CFAP61: variants seen among roughly 807,000 people sequenced by gnomAD.
CFAP61 encodes cilia- and flagella-associated protein 61.
CFAP61 carries 107 observed loss-of-function variants against 135.6 expected under a neutral mutation model. The observed-to-expected ratio is 0.79, with a 90% confidence interval of 0.67 to 0.93. CFAP61 has a LOEUF of 0.93. Ranked by LOEUF, CFAP61 falls within the 40% of genes least tolerant of loss-of-function variation. The pLI is 0.00. For synonymous variants in CFAP61, 575 were observed against 578.5 expected, an observed-to-expected ratio of 0.99 and a Z score of 0.09; for missense variants, 1,507 against 1,556.2, an observed-to-expected ratio of 0.97 and a Z score of 0.53.
chr20:20,191,241 C>T, intron 14 of CFAP61, 101 bp from the exon 15 acceptor site: 1 of 879,008 alleles, frequency 1.1e-6, no homozygotes, highest in East Asian at 2.6e-5. Flanking sequence ...GATGTTTGTT[C>T]TGTTGTTATG....
intron 18 of CFAP61, among the ~76,000 whole-genome samples, chr20:20,234,729 G>A (rs909323034): frequency 6.6e-6 from 1 of 152,130 alleles, no homozygotes; most frequent in African/African-American, 2.4e-5. Context: ...TCTGAAACCT[G>A]GGGGTAGGGC....
rs1461177814 is a variant in CFAP61 at position 20,359,461 on chromosome 20, T to TC, written c.3514-748dup. ...GGGCAGATCACCTGAGGTCGGGAGT[T>TC]CAAGACCAGCCTGACCAACATGGAG... On this transcript the variant is annotated intron_variant, in intron 26 of 26. Coordinates refer to ENST00000245957, the MANE Select transcript of CFAP61 (RefSeq NM_015585.4). This position sits in a 1 kb window ranked among gnomAD's most constrained non-coding sequence, Gnocchi z 4.0. 2.0e-5 allele frequency among the ~76,000 whole-genome samples: 3 copies of TC among 151,986 alleles called. No homozygotes were observed. Among genetic ancestry groups the TC allele is most frequent in the African/African-American group, 7.3e-5 (3 of 41,364 alleles).
intron 8 of CFAP61, among the ~76,000 whole-genome samples, chr20:20,121,811 A>G (rs2049659665): frequency 6.6e-6 from 1 of 152,100 alleles, no homozygotes; most frequent in African/African-American, 2.4e-5. Flanking sequence ...ACAGGCTTTC[A>G]ACTGCCATTT....
At chr20:20,313,446 C>T (rs1026775443) in intron 25 of CFAP61, among the ~76,000 whole-genome samples, 6 of 152,302 alleles carry the variant, frequency 3.9e-5, no homozygotes, top group East Asian at 3.9e-4. Flanking sequence ...CAGTAGGCTG[C>T]GGTGTAGGCA....
At chr20:20,241,677 G>T (rs2050021714) in intron 18 of CFAP61, among the ~76,000 whole-genome samples, 1 of 152,264 alleles carries the variant, frequency 6.6e-6, no homozygotes, top group Non-Finnish European at 1.5e-5. Context: ...CTTACATAGA[G>T]ATGTAAAAAA....
intron 26 of CFAP61, among the ~76,000 whole-genome samples, chr20:20,358,842 G>C (rs2059370833): frequency 6.6e-6 from 1 of 152,154 alleles, no homozygotes; most frequent in Non-Finnish European, 1.5e-5. Flanking sequence ...ACCCTGCAAG[G>C]AATTGCCTTT....
intron 26 of CFAP61, among the ~76,000 whole-genome samples, chr20:20,342,868 G>GT (rs11481658): frequency 0.16 from 23,515 of 147,862 alleles, 1,844 homozygotes; most frequent in African/African-American, 0.2. Context: ...TTCTGTTTTT[G>GT]TTTTTTTTTT....
intron 13 of CFAP61, among the ~76,000 whole-genome samples, chr20:20,174,474 T>C (rs1410601495): frequency 6.6e-6 from 1 of 152,246 alleles, no homozygotes; most frequent in Non-Finnish European, 1.5e-5. Flanking sequence ...ATAGATCTCC[T>C]CTTTAATTCT....
At chr20:20,055,374 T>C (rs1438788779) in intron 1 of CFAP61, among the ~76,000 whole-genome samples, 1 of 152,204 alleles carries the variant, frequency 6.6e-6, no homozygotes, top group African/African-American at 2.4e-5. Flanking sequence ...TAGAGCTTTG[T>C]GTAGAGAAAG....
At chr20:20,208,941 G>T (rs182071768) in intron 17 of CFAP61, among the ~76,000 whole-genome samples, 2 of 152,026 alleles carry the variant, frequency 1.3e-5, no homozygotes, top group Admixed American at 6.5e-5. Flanking sequence ...TCTTTGGGGT[G>T]GGGGGGCATG....
chr20:20,318,220 A>G (rs550998327), intron 25 of CFAP61, among the ~76,000 whole-genome samples: 2 of 152,242 alleles, frequency 1.3e-5, no homozygotes, highest in East Asian at 3.9e-4. Flanking sequence ...TCTTTTTCCA[A>G]TTATGTGTTG....
chr20:20,152,282 G>A (rs991585185), intron 9 of CFAP61, among the ~76,000 whole-genome samples: 1 of 151,806 alleles, frequency 6.6e-6, no homozygotes, highest in Non-Finnish European at 1.5e-5. Flanking sequence ...AAATCTCACA[G>A]GGCCTATAAA....
At chr20:20,069,652 C>A in intron 2 of CFAP61, 1 of 436,938 alleles carries the variant, frequency 2.3e-6, no homozygotes, top group Non-Finnish European at 4.6e-6. Context: ...TCTGGAGAGA[C>A]AGAAACCAAA....
chr20:20,054,878 A>C (rs538119032), intron 1 of CFAP61, among the ~76,000 whole-genome samples: 1 of 152,312 alleles, frequency 6.6e-6, no homozygotes, highest in South Asian at 2.1e-4. Flanking sequence ...TCTGAACTGA[A>C]GGTTCATGTC....
chr20:20,251,978 C>T (rs776434185), intron 20 of CFAP61, among the ~76,000 whole-genome samples: 2 of 152,204 alleles, frequency 1.3e-5, no homozygotes, highest in African/African-American at 2.4e-5. Flanking sequence ...GAAAAACATT[C>T]TGCTCGAGGA....
At chr20:20,269,471 A>G (rs2053168594) in intron 21 of CFAP61, among the ~76,000 whole-genome samples, 1 of 152,002 alleles carries the variant, frequency 6.6e-6, no homozygotes, top group Non-Finnish European at 1.5e-5. Flanking sequence ...TCTCAGGCTC[A>G]AGTGATTCTC....
intron 26 of CFAP61, among the ~76,000 whole-genome samples, chr20:20,358,535 C>G (rs2059358608): frequency 6.6e-6 from 1 of 152,196 alleles, no homozygotes. Context: ...GAGCCAACCT[C>G]ATACACATTG....
intron 9 of CFAP61, among the ~76,000 whole-genome samples, chr20:20,156,243 C>A (rs1485513055): frequency 6.6e-6 from 1 of 151,990 alleles, no homozygotes; most frequent in East Asian, 1.9e-4. Context: ...TCTAGGAATG[C>A]AAGTTTGGTT....
intron 24 of CFAP61, among the ~76,000 whole-genome samples, chr20:20,293,063 C>A (rs1210433088): frequency 1.3e-5 from 2 of 152,156 alleles, no homozygotes; most frequent in Non-Finnish European, 2.9e-5. Flanking sequence ...GGATAAAGCC[C>A]AGAGTATTCA....
Sources: gnomAD v4.1 joint callset for allele counts (sites outside exome capture counted in the v4.1 genomes callset) on GRCh38, gnomAD v4.1.1 for gene constraint, Gnocchi (gnomAD v3.1) non-coding constraint, MANE v1.5 for transcripts, NCBI Gene and HGNC (gene_info 2026-07-23, HGNC 2026-07-21) for gene names.